The following ZDHHC21 variants were observed in gnomAD, a reference collection of about 807,000 sequenced individuals.
The protein encoded by ZDHHC21 is zDHHC palmitoyltransferase 21.
A neutral mutation model predicts 34.6 loss-of-function variants in ZDHHC21; 15 were observed. That is an observed-to-expected ratio of 0.43 (90% confidence interval 0.29 to 0.67). The LOEUF is 0.67. Ranked by LOEUF, ZDHHC21 falls within the 30% of genes least tolerant of loss-of-function variation. ZDHHC21 has a pLI of 0.14. For missense variants in ZDHHC21, 344 were observed against 327.7 expected (o/e 1.05, Z -0.38); for synonymous variants, 142 against 101.8 (o/e 1.40, Z -2.38).
chr9:14,658,688 G>C (rs1832794097), intron 7 of ZDHHC21, 61 bp downstream of exon 7: 2 of 1,396,184 alleles, frequency 1.4e-6, no homozygotes, highest in Non-Finnish European at 1.0e-6. Context: ...AGCCAGGATG[G>C]TCTCGATCTC....
At chr9:14,654,778 C>G (rs1831887184) in intron 7 of ZDHHC21, among the ~76,000 whole-genome samples, 2 of 151,714 alleles carry the variant, frequency 1.3e-5, no homozygotes, top group South Asian at 4.2e-4. Context: ...GATTAGTAAA[C>G]CAGAGGATAA....
chr9:14,601,563 TCAA>T, the ZDHHC21 span, among the ~76,000 whole-genome samples: 18 of 152,276 alleles, frequency 1.2e-4, no homozygotes, highest in Admixed American at 3.9e-4. Context: ...GTAAATTAGT[TCAA>T]CAATTGTGCA....
chr9:14,672,199 T>C (rs186580993), intron 5 of ZDHHC21, among the ~76,000 whole-genome samples: 1 of 152,212 alleles, frequency 6.6e-6, no homozygotes, highest in East Asian at 1.9e-4. Context: ...TCAAGATCCC[T>C]TTTTTGAAGA....
Position 14,618,930 on chromosome 9 carries a change from G to A in ZDHHC21, c.*36C>T, listed in dbSNP as rs1273070160. 6.5e-7 allele frequency: 1 copy of A among 1,541,744 alleles called. No individual in the cohort carries two copies. Among genetic ancestry groups the A allele is most frequent in the East Asian group, 2.3e-5 (1 of 42,672 alleles). On this transcript the variant is annotated 3_prime_UTR_variant, in exon 10 of 10. Coordinates refer to ENST00000380916, the MANE Select transcript of ZDHHC21 (RefSeq NM_178566.6). Reference sequence around the variant, plus strand: ...TCATAAAACCTGTAACGCATTGCCAGCATGGAGGACCCATCTGTGCCCACC... The same window carrying A: ...TCATAAAACCTGTAACGCATTGCCAACATGGAGGACCCATCTGTGCCCACC...
chr9:14,690,260 G>C (rs530837599), intron 2 of ZDHHC21, 77 bp downstream of exon 2: 84 of 431,646 alleles, frequency 1.9e-4, no homozygotes, highest in African/African-American at 1.5e-3. Flanking sequence ...GACTAAATTA[G>C]ATTTCCTTCA....
At chr9:14,605,431 A>G in the ZDHHC21 span, among the ~76,000 whole-genome samples, 2 of 152,152 alleles carry the variant, frequency 1.3e-5, no homozygotes, top group South Asian at 2.1e-4. Flanking sequence ...GCATCTCTCT[A>G]TTAGTGATGT....
downstream of ZDHHC21, among the ~76,000 whole-genome samples, chr9:14,607,082 CA>C (rs3081725): frequency 0.13 from 16,468 of 131,588 alleles, 975 homozygotes; most frequent in Non-Finnish European, 0.15. Flanking sequence ...TTACTAATAG[CA>C]AAAAAAAAAA....
At chr9:14,625,627 T>C (rs1826073612) in intron 8 of ZDHHC21, among the ~76,000 whole-genome samples, 1 of 151,984 alleles carries the variant, frequency 6.6e-6, no homozygotes, top group South Asian at 2.1e-4. Flanking sequence ...AGTCTTAAGA[T>C]TTTAGTGATA....
intron 8 of ZDHHC21, among the ~76,000 whole-genome samples, chr9:14,628,011 G>A (rs1011267416): frequency 5.3e-5 from 8 of 151,996 alleles, no homozygotes; most frequent in African/African-American, 1.9e-4. Flanking sequence ...AAAATGCCTC[G>A]AAGTAGACTG....
At chr9:14,685,879 A>C (rs1838227648) in intron 2 of ZDHHC21, among the ~76,000 whole-genome samples, 1 of 152,226 alleles carries the variant, frequency 6.6e-6, no homozygotes, top group Non-Finnish European at 1.5e-5. Flanking sequence ...GCAGCCATAA[A>C]AAAGGATGAG....
chr9:14,631,013 C>T (rs111578785), intron 8 of ZDHHC21, among the ~76,000 whole-genome samples: 29 of 152,260 alleles, frequency 1.9e-4, no homozygotes, highest in Admixed American at 6.5e-4. Flanking sequence ...TTACAGTCAC[C>T]AGCTGCATTT....
At chr9:14,605,606 G>A in the ZDHHC21 span, among the ~76,000 whole-genome samples, 2 of 152,144 alleles carry the variant, frequency 1.3e-5, no homozygotes, top group Admixed American at 6.5e-5. Flanking sequence ...GCAAATATGT[G>A]GTTTGAAAAT....
the ZDHHC21 span, among the ~76,000 whole-genome samples, chr9:14,599,272 G>T: frequency 6.6e-6 from 1 of 152,142 alleles, no homozygotes; most frequent in African/African-American, 2.4e-5. Context: ...GGACTGGTTA[G>T]ACAGTGGGTG....
intron 8 of ZDHHC21, among the ~76,000 whole-genome samples, chr9:14,624,745 G>C (rs945400330): frequency 2.6e-5 from 4 of 152,044 alleles, no homozygotes; most frequent in Non-Finnish European, 5.9e-5. Flanking sequence ...ACAGCAGTGT[G>C]ATTACAGTCA....
intron 7 of ZDHHC21, among the ~76,000 whole-genome samples, chr9:14,649,199 T>G (rs911983113): frequency 6.6e-6 from 1 of 152,092 alleles, no homozygotes; most frequent in African/African-American, 2.4e-5. Context: ...TACCCACTGG[T>G]AAAGGATTTT....
chr9:14,630,345 C>G (rs1421072539), intron 8 of ZDHHC21, among the ~76,000 whole-genome samples: 1 of 152,222 alleles, frequency 6.6e-6, no homozygotes, highest in African/African-American at 2.4e-5. Context: ...AATTCCCATT[C>G]ATTCAACACT....
At chr9:14,664,980 A>G (rs371580586) in intron 5 of ZDHHC21, among the ~76,000 whole-genome samples, 37 of 146,944 alleles carry the variant, frequency 2.5e-4, no homozygotes, top group East Asian at 6.0e-4. Context: ...CACCAGCAAC[A>G]GAACAAAGCT....
intron 2 of ZDHHC21, among the ~76,000 whole-genome samples, chr9:14,683,191 A>G (rs1284772401): frequency 6.6e-6 from 1 of 152,184 alleles, no homozygotes; most frequent in East Asian, 1.9e-4. Context: ...AGATCAAAGC[A>G]GAACTGAAGG....
intron 8 of ZDHHC21, among the ~76,000 whole-genome samples, chr9:14,625,045 T>G (rs1202856210): frequency 3.2e-4 from 48 of 152,064 alleles, no homozygotes; most frequent in Non-Finnish European, 8.8e-5. Flanking sequence ...AGAAAGACTT[T>G]CATTTCACTT....
Sources: allele counts gnomAD v4.1 joint callset (sites outside exome capture counted in the v4.1 genomes callset), GRCh38; gene constraint gnomAD v4.1.1; transcripts MANE v1.5; gene names NCBI Gene and HGNC (gene_info 2026-07-23, HGNC 2026-07-21).